The following ECE1 variants were observed in gnomAD, a reference collection of about 807,000 sequenced individuals.
The protein encoded by ECE1 is endothelin converting enzyme 1, also known as endothelin-converting enzyme 1.
In ECE1, 35 loss-of-function variants were observed where a neutral mutation model predicts 98.6. The observed-to-expected ratio is 0.35, with a 90% CI of 0.27 to 0.47. The LOEUF is 0.47. Ranked by LOEUF, ECE1 falls within the 20% of genes least tolerant of loss-of-function variation. The pLI is 1.00. For missense variants in ECE1, 814 were observed against 1,025.3 expected, an observed-to-expected ratio of 0.79 and a Z score of 2.81; for synonymous variants, 394 against 407.1, an observed-to-expected ratio of 0.97 and a Z score of 0.39.
chr1:21,269,067 C>T (rs547670970), intron 4 of ECE1, among the ~76,000 whole-genome samples: 1 of 152,308 alleles, frequency 6.6e-6, no homozygotes, highest in South Asian at 2.1e-4. Context: ...CTCTGTGGAG[C>T]AGCCGCTGGG....
At chr1:21,244,166 T>C (rs1283944549) in intron 10 of ECE1, among the ~76,000 whole-genome samples, 5 of 152,184 alleles carry the variant, frequency 3.3e-5, no homozygotes, top group African/African-American at 9.6e-5. Flanking sequence ...CTGTGCCAGG[T>C]GAGCTTGGCA....
intron 1 of ECE1, among the ~76,000 whole-genome samples, chr1:21,320,017 G>A (rs2774026): frequency 0.057 from 8,668 of 152,222 alleles, 818 homozygotes; most frequent in African/African-American, 0.19. Flanking sequence ...AACGATAGCC[G>A]ATCAGCTAAA....
Position 21,247,270 on chromosome 1 carries a change from T to C in ECE1, c.1114A>G (p.Lys372Glu), listed in dbSNP as rs1180149882. ...NESEPIVVYD[K>E]EYLEQISTLI... Reference sequence around the variant, plus strand: ...GTGGAGATCTGCTCAAGGTATTCCTTGTCATAGACCACAATAGGCTCGGAT... The same window carrying C: ...GTGGAGATCTGCTCAAGGTATTCCTCGTCATAGACCACAATAGGCTCGGAT... The change falls in exon 9 of 19, where the codon AAG becomes GAG. Residue 372 changes from lysine to glutamate, a missense_variant. Physicochemically the swap from Lys to Glu is moderately conservative, Grantham distance 56. Coordinates refer to ENST00000374893, the MANE Select transcript of ECE1 (RefSeq NM_001397.3). The C allele has an allele frequency of 1.2e-6, 2 of 1,613,964 alleles. No homozygotes were observed. Among genetic ancestry groups the C allele is most frequent in the South Asian group, 2.2e-5 (2 of 91,072 alleles).
intron 16 of ECE1, 21 bp downstream of exon 16, chr1:21,227,128 ATGAGCCATCG>A: frequency 6.2e-7 from 1 of 1,610,916 alleles, no homozygotes; most frequent in Non-Finnish European, 8.5e-7. Context: ...GATTACAGGC[ATGAGCCATCG>A]TGCCCAGCTG....
intron 4 of ECE1, among the ~76,000 whole-genome samples, chr1:21,269,743 C>A (rs2098238003): frequency 6.6e-6 from 1 of 152,200 alleles, no homozygotes; most frequent in African/African-American, 2.4e-5. Flanking sequence ...GCATCATTAT[C>A]CCTACTGTAC....
Position 21,223,196 on chromosome 1 carries a change from T to G in ECE1, c.2041-1354A>C, listed in dbSNP as rs537373438. Among the ~76,000 whole-genome samples, 11 of 152,032 alleles carry G rather than the reference T, an allele frequency of 7.2e-5. No individual in the cohort carries two copies. The East Asian group carries it at 2.1e-3, about 30-fold the overall frequency. The stretch of plus-strand genomic sequence containing the variant: ...TTCACCACGTTGCCCAGGCTGGTCT[T>G]GAAGTCGAGCTTGTGATCCACCTAC... On this transcript the variant is annotated intron_variant, in intron 17 of 18. Coordinates refer to ENST00000374893, the MANE Select transcript of ECE1 (RefSeq NM_001397.3).
rs2098265440 is a variant in ECE1 at position 21,290,393 on chromosome 1, G to A, written c.22C>T (p.Pro8Ser). 2 of 1,238,068 alleles carry A rather than the reference G, an allele frequency of 1.6e-6. No individual in the cohort carries two copies. Among genetic ancestry groups the A allele is most frequent in the African/African-American group, 3.1e-5 (2 of 64,160 alleles). The allele number at this position is 1,238,068 out of a possible 1,614,324, so 76.7% of individuals were successfully genotyped here. ...AGCGCCGACAGCAGGGCGGACACCG[G>A]GGGCGGCCACACGCCCCGCATGCTG... MRGVWPP[P>S]VSALLSALGM... is the part of the protein sequence containing the mutation. The change falls in exon 1 of 19, where the codon CCG (proline) becomes TCG (serine). Residue 8 changes from proline to serine, a missense_variant. By Grantham distance (74) the Pro-to-Ser change is moderately conservative. Coordinates refer to ENST00000374893, the MANE Select transcript of ECE1 (RefSeq NM_001397.3). This position sits in a 1 kb window ranked among gnomAD's most constrained non-coding sequence, Gnocchi z 7.3.
At chr1:21,328,763 C>CG (rs1208649338) in intron 1 of ECE1, among the ~76,000 whole-genome samples, 8 of 89,484 alleles carry the variant, frequency 8.9e-5, no homozygotes, top group African/African-American at 1.1e-4. Context: ...ACCTCCATCT[C>CG]GAAAAAAAAA....
intron 1 of ECE1, among the ~76,000 whole-genome samples, chr1:21,310,215 CTGCCTCATCTTCCA>C (rs983569993): frequency 9.2e-5 from 14 of 152,178 alleles, no homozygotes; most frequent in African/African-American, 2.9e-4. Context: ...TTTCTCTCCC[CTGCCTCATCTTCCA>C]TGCCTCATCT....
Position 21,289,920 on chromosome 1 carries a change from G to A in ECE1, c.138+150C>T, listed in dbSNP as rs28367914. On this transcript the variant is annotated intron_variant, in intron 2 of 18. Transcript: ENST00000374893. ...CTTCTCAGCGCGGAGCTCCAGCTGC[G>A]GGGAGGCGCGGCCCCTCCCGGATGC... 2,103 of 1,033,838 alleles carry A rather than the reference G, an allele frequency of 2.0e-3. 101 individuals are homozygous for A. In the Admixed American group the frequency reaches 0.073, roughly 36 times the overall value. The allele number at this position is 1,033,838 out of a possible 1,614,324, so 64.0% of individuals were successfully genotyped here. A position where few individuals can be genotyped will look rare whatever the true frequency, so the allele number is the denominator to read the frequency against.
At chr1:21,302,023 C>T (rs1638496419) in intron 1 of ECE1, among the ~76,000 whole-genome samples, 1 of 152,114 alleles carries the variant, frequency 6.6e-6, no homozygotes, top group Non-Finnish European at 1.5e-5. Flanking sequence ...GCTCACTAGG[C>T]TCCCCTGATG....
chr1:21,254,878 G>A (rs1485911269), intron 8 of ECE1, among the ~76,000 whole-genome samples: 1 of 152,124 alleles, frequency 6.6e-6, no homozygotes, highest in African/African-American at 2.4e-5. Flanking sequence ...GCCCTAGCAC[G>A]GCCTGCATCT....
chr1:21,219,934 T>G lies in ECE1; in HGVS notation c.*21A>C. The G allele has an allele frequency of 6.2e-7, 1 of 1,613,978 alleles. No homozygotes were observed. The highest frequency in any genetic ancestry group is 1.7e-4 in the Middle Eastern group (1 of 5,880). On this transcript the variant is annotated 3_prime_UTR_variant, in exon 19 of 19. Transcript: ENST00000374893. The surrounding 1 kb of genome is among the most constrained non-coding windows in gnomAD (Gnocchi z 4.5). Reference sequence around the variant, plus strand: ...CCTCAGCCCCTTCCCCTCCTCCGTCTTGGCTCTCTCCGCTTCGTCCTTACC... The same window carrying G: ...CCTCAGCCCCTTCCCCTCCTCCGTCGTGGCTCTCTCCGCTTCGTCCTTACC...
rs542736199 is a variant in ECE1 at position 21,225,274 on chromosome 1, G to A, written c.2016C>T (p.Asn672=). The change falls in exon 17 of 19, where the codon AAC becomes AAT. Residue 672 remains asparagine (N), a synonymous_variant. Transcript: ENST00000374893. This position sits in a 1 kb window ranked among gnomAD's most constrained non-coding sequence, Gnocchi z 5.3. ...RHTLGENIAD[N]GGLKAAYRAY... ...CCCGATAGGCCGCCTTGAGACCCCC[G>A]TTGTCGGCGATGTTCTCCCCCAGGG... 46 of 1,614,046 alleles carry A rather than the reference G, an allele frequency of 2.8e-5. No individual in the cohort carries two copies. Among genetic ancestry groups the A allele is most frequent in the African/African-American group, 6.7e-5 (5 of 74,934 alleles).
intron 5 of ECE1, among the ~76,000 whole-genome samples, chr1:21,259,067 T>C (rs1275221632): frequency 2.0e-5 from 3 of 152,126 alleles, no homozygotes; most frequent in Non-Finnish European, 4.4e-5. Context: ...CAGCCAGGCA[T>C]GAATCCAGCC....
rs2098223358 is a variant in ECE1, at chr1:21,258,910, C to T, written c.616-71G>A. 5 of 1,592,150 alleles carry T rather than the reference C, an allele frequency of 3.1e-6. No homozygotes were observed. The highest frequency in any genetic ancestry group is 4.3e-6 in the Non-Finnish European group (5 of 1,168,032). ...GACCCAGATGTGAATTCTGGTTCTG[C>T]CGCTGACTTGCTCTGTGACCCTGGA... On this transcript the variant is annotated intron_variant, in intron 5 of 18. Transcript: ENST00000374893. This position sits in a 1 kb window ranked among gnomAD's most constrained non-coding sequence, Gnocchi z 4.2.
chr1:21,343,519 C>T (rs1445056149), intron 1 of ECE1, among the ~76,000 whole-genome samples: 3 of 152,182 alleles, frequency 2.0e-5, no homozygotes, highest in Non-Finnish European at 4.4e-5. Flanking sequence ...AACTTCCCAG[C>T]GTGGGCTCAA....
chr1:21,266,994 C>G (rs1031973799), intron 4 of ECE1: 4 of 152,200 alleles, frequency 2.6e-5, no homozygotes, highest in African/African-American at 9.7e-5. Context: ...GAACTTAATC[C>G]TTAAGGAGCA....
At chr1:21,241,976 T>A (rs557130120) in intron 10 of ECE1, among the ~76,000 whole-genome samples, 1 of 152,246 alleles carries the variant, frequency 6.6e-6, no homozygotes, top group South Asian at 2.1e-4. Flanking sequence ...ATTTTTTTTT[T>A]AACCTCTTCC....
Sources: gnomAD v4.1 joint callset for allele counts (sites outside exome capture counted in the v4.1 genomes callset) on GRCh38, gnomAD v4.1.1 for gene constraint, Gnocchi (gnomAD v3.1) non-coding constraint, MANE v1.5 for transcripts, NCBI Gene and HGNC (gene_info 2026-07-23, HGNC 2026-07-21) for gene names.